PDE3A: variants seen among roughly 807,000 people sequenced by gnomAD.
The protein encoded by PDE3A is cGMP-inhibited 3',5'-cyclic phosphodiesterase 3A.
In PDE3A, 43 loss-of-function variants were observed where a neutral mutation model predicts 98.3. That is an observed-to-expected ratio of 0.44 (90% CI 0.34 to 0.56). PDE3A has a LOEUF of 0.56. Ranked by LOEUF, PDE3A falls within the 20% of genes least tolerant of loss-of-function variation. The pLI is 0.01. For synonymous variants in PDE3A, 663 were observed against 567.9 expected, an observed-to-expected ratio of 1.17 and a Z score of -2.38; for missense variants, 1,427 against 1,440.7, an observed-to-expected ratio of 0.99 and a Z score of 0.15.
At chr12:20,523,956 T>C (rs1254812183) in intron 1 of PDE3A, among the ~76,000 whole-genome samples, 1 of 152,200 alleles carries the variant, frequency 6.6e-6, no homozygotes, top group African/African-American at 2.4e-5. Flanking sequence ...GTATCACTGA[T>C]AAAAGGTATT....
intron 3 of PDE3A, 82 bp downstream of exon 3, chr12:20,613,782 T>G (rs1943930746): frequency 1.9e-6 from 2 of 1,026,100 alleles, no homozygotes; most frequent in Non-Finnish European, 2.9e-6. Context: ...TCACCTCAAC[T>G]CCATCTGCAG....
intron 1 of PDE3A, among the ~76,000 whole-genome samples, chr12:20,505,437 G>A (rs1421867287): frequency 6.6e-6 from 1 of 152,010 alleles, no homozygotes; most frequent in East Asian, 1.9e-4. Flanking sequence ...TCTATAAAGT[G>A]TAGAGCTCTC....
chr12:20,418,435 G>A (rs1477339153), intron 1 of PDE3A, among the ~76,000 whole-genome samples: 1 of 152,080 alleles, frequency 6.6e-6, no homozygotes, highest in African/African-American at 2.4e-5. Flanking sequence ...TTGGTGGTAG[G>A]TTTTTGTGAA....
At chr12:20,539,904 A>AT (rs11411321) in intron 1 of PDE3A, among the ~76,000 whole-genome samples, 150,740 of 152,176 alleles carry the variant, frequency 0.99, 74,679 homozygotes, top group Middle Eastern at 1. Context: ...TAGTCTTATT[A>AT]TTCCATTTTG....
At chr12:20,577,531 T>G (rs1942964286) in intron 2 of PDE3A, among the ~76,000 whole-genome samples, 1 of 152,168 alleles carries the variant, frequency 6.6e-6, no homozygotes, top group Non-Finnish European at 1.5e-5. Flanking sequence ...TTTTGTATAA[T>G]TTGAACAAGG....
At chr12:20,461,593 A>G (rs1438034674) in intron 1 of PDE3A, among the ~76,000 whole-genome samples, 1 of 152,190 alleles carries the variant, frequency 6.6e-6, no homozygotes, top group Non-Finnish European at 1.5e-5. Context: ...CTTATCTAGA[A>G]AAATTAGATA....
intron 2 of PDE3A, among the ~76,000 whole-genome samples, chr12:20,576,617 A>T (rs1942938408): frequency 6.6e-6 from 1 of 152,160 alleles, no homozygotes; most frequent in Non-Finnish European, 1.5e-5. Flanking sequence ...AGAAAAGAGA[A>T]ACTGACTTTC....
chr12:20,664,994 C>A (rs1199460054), intron 15 of PDE3A, among the ~76,000 whole-genome samples: 4 of 152,134 alleles, frequency 2.6e-5, no homozygotes, highest in Non-Finnish European at 4.4e-5. Flanking sequence ...CCTGTTGATT[C>A]TCCCATACAA....
chr12:20,421,499 T>G (rs1944510702), intron 1 of PDE3A, among the ~76,000 whole-genome samples: 1 of 152,098 alleles, frequency 6.6e-6, no homozygotes, highest in South Asian at 2.1e-4. Flanking sequence ...TTAACAATTA[T>G]GTTGCCATCT....
chr12:20,651,119 A>T (rs1156733618), intron 14 of PDE3A, among the ~76,000 whole-genome samples: 1 of 152,208 alleles, frequency 6.6e-6, no homozygotes, highest in Non-Finnish European at 1.5e-5. Flanking sequence ...TTGTAAAAAA[A>T]TTAATAAGAG....
At chr12:20,551,949 T>C in intron 1 of PDE3A, 37 of 1,612,866 alleles carry the variant, frequency 2.3e-5, no homozygotes, top group Non-Finnish European at 3.1e-5. Flanking sequence ...GCGAGTCGGG[T>C]GTCCATCGGC....
At chr12:20,656,633 T>G (rs975058605) in intron 15 of PDE3A, among the ~76,000 whole-genome samples, 3 of 152,226 alleles carry the variant, frequency 2.0e-5, no homozygotes, top group Admixed American at 6.5e-5. Flanking sequence ...TAAACATGTA[T>G]TAGTTTTCTC....
intron 1 of PDE3A, among the ~76,000 whole-genome samples, chr12:20,468,148 A>G (rs1235654987): frequency 2.0e-5 from 3 of 152,104 alleles, no homozygotes; most frequent in Non-Finnish European, 4.4e-5. Context: ...ATTTTGATAC[A>G]TAAATTCATT....
chr12:20,444,357 G>A (rs1944918997), intron 1 of PDE3A, among the ~76,000 whole-genome samples: 2 of 152,102 alleles, frequency 1.3e-5, no homozygotes, highest in South Asian at 4.2e-4. Flanking sequence ...TTCTGACACT[G>A]AATACACATA....
At chr12:20,580,774 A>T (rs1943042963) in intron 2 of PDE3A, among the ~76,000 whole-genome samples, 1 of 152,224 alleles carries the variant, frequency 6.6e-6, no homozygotes, top group Admixed American at 6.5e-5. Context: ...CTAGTATTAA[A>T]GTAATGCTCC....
intron 1 of PDE3A, among the ~76,000 whole-genome samples, chr12:20,389,229 T>G (rs1048847578): frequency 1.3e-5 from 2 of 151,872 alleles, no homozygotes; most frequent in African/African-American, 4.8e-5. Flanking sequence ...TCTCTTTCTG[T>G]GTGTGTGAGG....
chr12:20,454,192 A>G (rs963578026), intron 1 of PDE3A, among the ~76,000 whole-genome samples: 1 of 152,108 alleles, frequency 6.6e-6, no homozygotes, highest in African/African-American at 2.4e-5. Flanking sequence ...CGTTAAGCAT[A>G]TATCTTTACC....
intron 2 of PDE3A, among the ~76,000 whole-genome samples, chr12:20,598,828 C>T (rs1287708952): frequency 1.1e-4 from 17 of 152,094 alleles, no homozygotes; most frequent in Admixed American, 1.1e-3. Flanking sequence ...CTTAATGTAA[C>T]TTTCACTCTT....
Position 20,369,525 on chromosome 12 carries a change from G to T in PDE3A, c.241G>T (p.Val81Phe). 1 of 1,559,988 alleles carries T rather than the reference G, an allele frequency of 6.4e-7. No homozygotes were observed. The highest frequency in any genetic ancestry group is 8.7e-7 in the Non-Finnish European group (1 of 1,152,068). Residue 81 changes from valine to phenylalanine, a missense_variant, in exon 1 of 16, where the codon GTC becomes TTC. This residue lies in a region of PDE3A where 1,012 missense variants were observed against 886.5 expected (regional missense o/e 1.14). Coordinates refer to ENST00000359062, the MANE Select transcript of PDE3A (RefSeq NM_000921.5). ...TCTGCTGGCGCTGCTGGTGAGGCTG[G>T]TCCGCGGGGAGGTCGGCTGTGACCT... ...SFLLALLVRL[V>F]RGEVGCDLEQ...
Sources: allele counts gnomAD v4.1 joint callset (sites outside exome capture counted in the v4.1 genomes callset), GRCh38; gene constraint gnomAD v4.1.1; regional missense constraint gnomAD v4.1.1; transcripts MANE v1.5; gene names NCBI Gene and HGNC (gene_info 2026-07-23, HGNC 2026-07-21).